LRP2: variants seen among roughly 807,000 people sequenced by gnomAD.
LRP2 encodes LDL receptor related protein 2.
LRP2 carries 172 observed loss-of-function variants against 531.0 expected under a neutral mutation model. The ratio of observed to expected loss-of-function variants is 0.32; its 90% CI spans 0.29 to 0.37. The LOEUF (loss-of-function observed/expected upper bound fraction) is 0.37. Ranked by LOEUF, LRP2 falls within the 10% of genes least tolerant of loss-of-function variation. The probability of loss-of-function intolerance (pLI) is 1.00; values close to 1 mark genes in which losing one functional copy is unlikely to be tolerated. For synonymous variants in LRP2, 1,992 were observed against 2,027.6 expected, an observed-to-expected ratio of 0.98 and a Z score of 0.47; for missense variants, 5,167 against 5,868.3, an observed-to-expected ratio of 0.88 and a Z score of 3.90.
At chr2:169,170,417 T>A in intron 59 of LRP2, 134 bp downstream of exon 59, 1 of 769,664 alleles carries the variant, frequency 1.3e-6, no homozygotes, top group Admixed American at 1.7e-5. Context: ...CAGAAGATAC[T>A]GTGTTATGCT....
intron 62 of LRP2, among the ~76,000 whole-genome samples, chr2:169,164,734 G>A (rs1328296668): frequency 1.3e-5 from 2 of 152,184 alleles, no homozygotes; most frequent in African/African-American, 2.4e-5. Flanking sequence ...AATGTTGCAG[G>A]TTGCTTCCTG....
At chr2:169,157,284 A>G (rs1686366009) in intron 64 of LRP2, 87 bp downstream of exon 64, 1 of 1,352,826 alleles carries the variant, frequency 7.4e-7, no homozygotes, top group East Asian at 2.3e-5. Context: ...AGGGAATTAA[A>G]TAGTGATTTA....
chr2:169,291,039 T>A, intron 7 of LRP2, 42 bp from the exon 8 acceptor site: 2 of 1,574,812 alleles, frequency 1.3e-6, no homozygotes, highest in Non-Finnish European at 1.7e-6. Context: ...ATAGGGGAGG[T>A]ACAGCCAGCT....
At chr2:169,170,504 C>T in intron 59 of LRP2, 47 bp downstream of exon 59, 1 of 1,453,686 alleles carries the variant, frequency 6.9e-7, no homozygotes. Flanking sequence ...AGCCCCTACA[C>T]TGTCACAGTA....
intron 34 of LRP2, among the ~76,000 whole-genome samples, chr2:169,217,700 T>TTC (rs1446592114): frequency 6.6e-6 from 1 of 152,150 alleles, no homozygotes; most frequent in African/African-American, 2.4e-5. Context: ...AAGCTGAGGA[T>TTC]TCTCATCCCT....
Position 169,192,011 on chromosome 2 carries a change from G to A in LRP2, c.8853C>T (p.Ser2951=), listed in dbSNP as rs748525836. Residue 2951 remains serine, a synonymous_variant, in exon 48 of 79, where the codon TCC becomes TCT. Transcript: ENST00000649046. ...HQCQNQNCSD[S]EFLCVNDRPP... ...GTCTGTCATTTACACAGAGAAACTC[G>A]GAATCCGAGCAGTTTTGATTCTCTG... is the stretch of plus-strand genomic sequence containing the variant. 6 of 1,612,702 alleles carry A rather than the reference G, an allele frequency of 3.7e-6. No individual in the cohort carries two copies. The highest frequency in any genetic ancestry group is 2.2e-5 in the South Asian group (2 of 91,044).
chr2:169,179,108 C>T (rs566148965), intron 52 of LRP2, among the ~76,000 whole-genome samples: 1 of 152,134 alleles, frequency 6.6e-6, no homozygotes, highest in African/African-American at 2.4e-5. Context: ...CTCCTGGGTT[C>T]AAGTGATCCT....
At chr2:169,320,995 A>C in intron 1 of LRP2, 111 bp from the exon 2 acceptor site, 1 of 751,910 alleles carries the variant, frequency 1.3e-6, no homozygotes. Context: ...ATAATCAAAG[A>C]AATGCAAATT....
intron 28 of LRP2, among the ~76,000 whole-genome samples, chr2:169,236,850 G>A (rs1041186319): frequency 1.3e-4 from 20 of 152,222 alleles, no homozygotes; most frequent in East Asian, 9.7e-4. Context: ...TTCAAAAATT[G>A]TATTGCCAAG....
At chr2:169,205,927 G>GC (rs1333929762) in intron 40 of LRP2, 96 bp downstream of exon 40, 1 of 1,458,660 alleles carries the variant, frequency 6.9e-7, no homozygotes, top group Non-Finnish European at 9.6e-7. Flanking sequence ...AGTTTTATAA[G>GC]CCCATAACAC....
At chr2:169,137,257 G>A in intron 76 of LRP2, 135 bp downstream of exon 76, 3 of 744,180 alleles carry the variant, frequency 4.0e-6, no homozygotes, top group South Asian at 2.9e-5. Flanking sequence ...CTGCAGATAG[G>A]GCAGCTGCAG....
rs370823033 is a variant in LRP2, at chr2:169,294,717, TAAAAA to T, written c.428-12_428-8del. Reference sequence around the variant, plus strand: ...TGCTCACATGTTGGGTACTCTATTGTAAAAAAAAAAAAAAAAAAAAAAAGGAAAAG... The same window carrying T: ...TGCTCACATGTTGGGTACTCTATTGTAAAAAAAAAAAAAAAAAAGGAAAAG... On this transcript the variant is annotated splice_polypyrimidine_tract_variant and splice_region_variant and intron_variant, in intron 4 of 78. Transcript: ENST00000649046. 22,618 of 715,570 alleles carry T rather than the reference TAAAAA, an allele frequency of 0.032. 1 individual carries two copies. Among genetic ancestry groups the T allele is most frequent in the East Asian group, 0.042 (1,394 of 32,990 alleles). The allele number at this position is 715,570 out of a possible 1,614,324, so 44.3% of individuals were successfully genotyped here.
chr2:169,220,771 ATCACC>A (rs1284022121), intron 33 of LRP2, among the ~76,000 whole-genome samples: 1 of 152,170 alleles, frequency 6.6e-6, no homozygotes, highest in Non-Finnish European at 1.5e-5. Context: ...GAGCAGCAAA[ATCACC>A]TCCCAAGTTC....
chr2:169,147,934 C>G (rs899823527), intron 68 of LRP2, among the ~76,000 whole-genome samples: 1 of 123,122 alleles, frequency 8.1e-6, no homozygotes, highest in African/African-American at 2.9e-5. Context: ...AATGTCAGCA[C>G]TATGTTAAAA....
intron 1 of LRP2, among the ~76,000 whole-genome samples, chr2:169,350,035 C>T (rs2389558): frequency 0.61 from 92,818 of 152,060 alleles, 31,801 homozygotes; most frequent in South Asian, 0.75. Flanking sequence ...AGAGGGCAGT[C>T]GGTTGAATCA....
rs138614485 is a variant in LRP2 at position 169,137,511 on chromosome 2, AAGAGAG to A, written c.13519-24_13519-19del. 185 of 1,275,834 alleles carry A rather than the reference AAGAGAG, an allele frequency of 1.5e-4. No homozygotes were observed. The highest frequency in any genetic ancestry group is 7.9e-4 in the South Asian group (66 of 83,670). 79.0% of individuals were successfully genotyped at this position (1,275,834 alleles called of 1,614,324 possible). A position where few individuals can be genotyped will look rare whatever the true frequency, so the allele number is the denominator to read the frequency against. On this transcript the variant is annotated intron_variant, in intron 75 of 78. Transcript: ENST00000649046. ...TCTTCACTCTGATGGCAGAGACAGAAAGAGAGAGAGAGAGAGAGAGAGAAACAGAGA... is the reference window on the plus strand; with the variant it reads ...TCTTCACTCTGATGGCAGAGACAGAAAGAGAGAGAGAGAGAGAAACAGAGA...
chr2:169,297,563 G>T (rs1213054768), intron 4 of LRP2, among the ~76,000 whole-genome samples: 1 of 152,098 alleles, frequency 6.6e-6, no homozygotes, highest in Non-Finnish European at 1.5e-5. Context: ...ACCACTCCTT[G>T]CTTCCCCTTT....
intron 77 of LRP2, among the ~76,000 whole-genome samples, chr2:169,132,021 A>AG (rs1685308869): frequency 6.6e-6 from 1 of 152,164 alleles, no homozygotes; most frequent in African/African-American, 2.4e-5. Flanking sequence ...TTCAATCTCC[A>AG]GTATTAAACA....
chr2:169,362,405 C>G lies in LRP2; in HGVS notation c.-6G>C. 1 of 1,554,388 alleles carries G rather than the reference C, an allele frequency of 6.4e-7. No individual in the cohort carries two copies. Among genetic ancestry groups the G allele is most frequent in the Non-Finnish European group, 8.7e-7 (1 of 1,151,856 alleles). On this transcript the variant is annotated 5_prime_UTR_variant, in exon 1 of 79. Coordinates refer to ENST00000649046, the MANE Select transcript of LRP2 (RefSeq NM_004525.3). ...GCTGCCGGCCCGCGATCCATCTCCG[C>G]GACGGTCCCCGGCCTCGCCGTTCCT...
Sources: allele counts gnomAD v4.1 joint callset (sites outside exome capture counted in the v4.1 genomes callset), GRCh38; gene constraint gnomAD v4.1.1; transcripts MANE v1.5; gene names NCBI Gene and HGNC (gene_info 2026-07-23, HGNC 2026-07-21).